The following LHFPL3 variants were observed in gnomAD, a reference collection of about 807,000 sequenced individuals.
The protein encoded by LHFPL3 is LHFPL tetraspan subfamily member 3, also known as LHFPL tetraspan subfamily member 3 protein.
In LHFPL3, 5 loss-of-function variants were observed where a neutral mutation model predicts 19.3. The ratio of observed to expected loss-of-function variants is 0.26; its 90% confidence interval spans 0.14 to 0.54. LHFPL3 has a LOEUF of 0.54. LHFPL3 is among the 20% of genes least tolerant of loss of function. The pLI is 0.94. For missense variants in LHFPL3, 249 were observed against 307.4 expected (o/e 0.81, Z 1.42); for synonymous variants, 133 against 126.2 (o/e 1.05, Z -0.36).
intron 1 of LHFPL3, among the ~76,000 whole-genome samples, chr7:104,444,903 G>A (rs757380764): frequency 2.0e-5 from 3 of 151,968 alleles, no homozygotes; most frequent in South Asian, 4.1e-4. Context: ...CAGGAGAATC[G>A]CTTGAACCTG....
intron 1 of LHFPL3, among the ~76,000 whole-genome samples, chr7:104,594,731 C>T (rs1481732191): frequency 2.6e-5 from 4 of 152,146 alleles, no homozygotes; most frequent in Non-Finnish European, 5.9e-5. Context: ...AGGCTTTGTT[C>T]ATTCCTTTTT....
Position 104,736,706 on chromosome 7 carries a change from C to CT in LHFPL3, c.477_478insT (p.Pro160SerfsTer2). 6.2e-7 allele frequency: 1 copy of CT among 1,613,438 alleles called. No homozygotes were observed. The highest frequency in any genetic ancestry group is 8.5e-7 in the Non-Finnish European group (1 of 1,179,742). On this transcript the variant is annotated frameshift_variant, in exon 2 of 3. Transcript: ENST00000424859. LOFTEE classifies it high-confidence loss of function. ...GCCTTGTGCTTGGCTGTATGATTTTCCCTGATGGCTGGGACTCAGATGAAG... is the reference window on the plus strand; with the variant it reads ...GCCTTGTGCTTGGCTGTATGATTTTCTCCTGATGGCTGGGACTCAGATGAAG...
At chr7:104,476,680 G>C (rs1303081073) in intron 1 of LHFPL3, among the ~76,000 whole-genome samples, 1 of 152,078 alleles carries the variant, frequency 6.6e-6, no homozygotes, top group African/African-American at 2.4e-5. Flanking sequence ...GGCTGGGCTT[G>C]AACTCCCTTC....
intron 1 of LHFPL3, among the ~76,000 whole-genome samples, chr7:104,599,947 G>A (rs537893290): frequency 2.6e-5 from 4 of 152,212 alleles, no homozygotes; most frequent in East Asian, 1.9e-4. Context: ...CTTATCCCCC[G>A]ACATTACTAA....
chr7:104,593,583 C>T (rs2115652595), intron 1 of LHFPL3, among the ~76,000 whole-genome samples: 1 of 152,244 alleles, frequency 6.6e-6, no homozygotes, highest in Admixed American at 6.5e-5. Context: ...AGTTCAGGTC[C>T]TGGATATCCT....
chr7:104,733,278 T>G (rs895781114), intron 1 of LHFPL3, among the ~76,000 whole-genome samples: 3 of 152,196 alleles, frequency 2.0e-5, no homozygotes, highest in African/African-American at 7.2e-5. Flanking sequence ...CTGGATATCC[T>G]TGTTAACTTT....
intron 1 of LHFPL3, among the ~76,000 whole-genome samples, chr7:104,565,279 G>A (rs948528744): frequency 6.6e-6 from 1 of 152,070 alleles, no homozygotes; most frequent in Non-Finnish European, 1.5e-5. Context: ...GAAATTAAAA[G>A]CTCTCCAGAA....
intron 1 of LHFPL3, among the ~76,000 whole-genome samples, chr7:104,365,473 G>T (rs1354441730): frequency 6.6e-6 from 1 of 151,434 alleles, no homozygotes; most frequent in Non-Finnish European, 1.5e-5. Flanking sequence ...AAGAGGGCGA[G>T]GTAGCATCAA....
At chr7:104,632,994 T>C (rs947262241) in intron 1 of LHFPL3, among the ~76,000 whole-genome samples, 3 of 152,162 alleles carry the variant, frequency 2.0e-5, no homozygotes, top group Non-Finnish European at 4.4e-5. Context: ...AATTGGATAG[T>C]CTCAATAATC....
Position 104,907,605 on chromosome 7 carries a change from G to C in LHFPL3, c.*1390G>C, listed in dbSNP as rs1467298872. On this transcript the variant is annotated 3_prime_UTR_variant, in exon 3 of 3. Coordinates refer to ENST00000424859, the MANE Select transcript of LHFPL3 (RefSeq NM_199000.3). ...TGAACACAAGCTAAAATACATGCAAGGGTACTTAATGGAAGCCAAACCATG... is the reference window on the plus strand; with the variant it reads ...TGAACACAAGCTAAAATACATGCAACGGTACTTAATGGAAGCCAAACCATG... 3.3e-5 allele frequency among the ~76,000 whole-genome samples: 5 copies of C among 152,138 alleles called. No individual in the cohort carries two copies. Among genetic ancestry groups the C allele is most frequent in the Admixed American group, 2.0e-4 (3 of 15,274 alleles).
At chr7:104,822,148 A>C (rs1790687634) in intron 2 of LHFPL3, among the ~76,000 whole-genome samples, 1 of 152,156 alleles carries the variant, frequency 6.6e-6, no homozygotes, top group Non-Finnish European at 1.5e-5. Context: ...AAGTGTTTGA[A>C]ACCGGTTTCA....
At chr7:104,795,429 A>C (rs184863800) in intron 2 of LHFPL3, among the ~76,000 whole-genome samples, 2 of 152,226 alleles carry the variant, frequency 1.3e-5, no homozygotes, top group East Asian at 3.9e-4. Context: ...CTCTTCCTTA[A>C]ATGATGTTCA....
Position 104,907,159 on chromosome 7 carries a change from C to A in LHFPL3, c.*944C>A, listed in dbSNP as rs942826573. ...AAATAAGTATCTAAAATGTCTCCTA[C>A]TTTTTTCCTATTTCTTTGCCATACA... On this transcript the variant is annotated 3_prime_UTR_variant, in exon 3 of 3. Coordinates refer to ENST00000424859, the MANE Select transcript of LHFPL3 (RefSeq NM_199000.3). 6.6e-6 allele frequency: 1 copy of A among 152,486 alleles called. No individual in the cohort carries two copies. Among genetic ancestry groups the A allele is most frequent in the Non-Finnish European group, 1.5e-5 (1 of 67,992 alleles). The allele number at this position is 152,486 out of a possible 1,614,324, so 9.4% of individuals were successfully genotyped here.
chr7:104,595,271 G>A (rs925739399), intron 1 of LHFPL3, among the ~76,000 whole-genome samples: 1 of 152,162 alleles, frequency 6.6e-6, no homozygotes, highest in African/African-American at 2.4e-5. Context: ...CTTTCTGTTT[G>A]TTAGTTTTCC....
Position 104,857,135 on chromosome 7 carries a change from G to C in LHFPL3, c.683-49052G>C, listed in dbSNP as rs189478161. On this transcript the variant is annotated intron_variant, in intron 2 of 2. Coordinates refer to ENST00000424859, the MANE Select transcript of LHFPL3 (RefSeq NM_199000.3). ...TCATAGACGTTCATTGTACACATGA[G>C]GACACCATAGCTCAGTGAGCCTATT... 3.3e-5 allele frequency among the ~76,000 whole-genome samples: 5 copies of C among 152,306 alleles called. No homozygotes were observed. In the East Asian group the frequency reaches 9.6e-4, roughly 29 times the overall value.
intron 2 of LHFPL3, among the ~76,000 whole-genome samples, chr7:104,824,339 T>G (rs1790759992): frequency 2.8e-5 from 1 of 35,640 alleles, no homozygotes; most frequent in African/African-American, 1.2e-4. Context: ...ATATAATATA[T>G]ATAATTATAG....
intron 1 of LHFPL3, among the ~76,000 whole-genome samples, chr7:104,538,228 A>T (rs1794423515): frequency 1.3e-5 from 2 of 152,226 alleles, no homozygotes; most frequent in Admixed American, 6.5e-5. Context: ...TGAGCACTGT[A>T]ACAGCTAAAG....
intron 1 of LHFPL3, among the ~76,000 whole-genome samples, chr7:104,417,440 T>C (rs962840571): frequency 1.3e-5 from 2 of 152,240 alleles, no homozygotes. Flanking sequence ...AAATGGTGCC[T>C]TAAGGTTGAT....
At chr7:104,347,762 C>T (rs983384179) in intron 1 of LHFPL3, among the ~76,000 whole-genome samples, 7 of 152,070 alleles carry the variant, frequency 4.6e-5, no homozygotes, top group East Asian at 1.9e-4. Context: ...CGTGGTGGCA[C>T]GCCCCTGTAA....
Sources: allele counts gnomAD v4.1 joint callset (sites outside exome capture counted in the v4.1 genomes callset), GRCh38; gene constraint gnomAD v4.1.1; transcripts MANE v1.5; gene names NCBI Gene and HGNC (gene_info 2026-07-23, HGNC 2026-07-21).